Variants in ANO3 observed in about 807,000 individuals in gnomAD.
ANO3 encodes the protein anoctamin-3.
A neutral mutation model predicts 144.8 loss-of-function variants in ANO3; 99 were observed. That is an observed-to-expected ratio of 0.68 (90% CI 0.58 to 0.81). The LOEUF (loss-of-function observed/expected upper bound fraction) is 0.81, where lower values mean the gene tolerates loss of function less well. ANO3 is among the 30% of genes least tolerant of loss of function. ANO3 has a pLI of 0.00. For synonymous variants in ANO3, 414 were observed against 392.6 expected (o/e 1.05, Z -0.64); for missense variants, 905 against 1,202.2 (o/e 0.75, Z 3.66).
Position 26,563,393 on chromosome 11 carries a change from C to G in ANO3, c.1447+3614C>G, listed in dbSNP as rs557554770. 413 of 825,644 alleles carry G rather than the reference C, an allele frequency of 5.0e-4. No homozygotes were observed. The African/African-American group carries it at 8.7e-3, about 17-fold the overall frequency. The allele number at this position is 825,644 out of a possible 1,614,324, so 51.1% of individuals were successfully genotyped here. A position where few individuals can be genotyped will look rare whatever the true frequency, so the allele number is the denominator to read the frequency against. ...AAATTAGATAATGGTGTGTTTCTCT[C>G]TCTGTGTGTGTGTGTGTGTGTGTGT... On this transcript the variant is annotated intron_variant, in intron 14 of 26. Transcript: ENST00000256737.
Position 26,454,078 on chromosome 11 carries a change from T to C in ANO3, c.314-8952T>C, listed in dbSNP as rs557476806. 4.6e-5 allele frequency among the ~76,000 whole-genome samples: 7 copies of C among 150,594 alleles called. No homozygotes were observed. The South Asian group carries it at 1.5e-3, about 32-fold the overall frequency. ...AATCTCTGGGACACATTCAAAGCAG[T>C]GTGTAGAGGAAAATTTATAGCACTA... On this transcript the variant is annotated intron_variant, in intron 3 of 26. Coordinates refer to ENST00000256737, the MANE Select transcript of ANO3 (RefSeq NM_031418.4).
intron 3 of ANO3, among the ~76,000 whole-genome samples, chr11:26,445,803 A>G (rs933234977): frequency 1.3e-5 from 2 of 152,046 alleles, no homozygotes; most frequent in Non-Finnish European, 2.9e-5. Context: ...ATGCATATCT[A>G]TGAGTGTTTT....
In ANO3 at chr11:26,455,424, C is replaced by A. The variant is rs530598522; in HGVS notation, c.314-7606C>A. 6.2e-3 allele frequency among the ~76,000 whole-genome samples: 941 copies of A among 151,782 alleles called. 10 individuals carry two copies. The highest frequency in any genetic ancestry group is 0.022 in the African/African-American group (895 of 41,384). On this transcript the variant is annotated intron_variant, in intron 3 of 26. Coordinates refer to ENST00000256737, the MANE Select transcript of ANO3 (RefSeq NM_031418.4). ...CAAAAATCACAAGCATTCTTATACA[C>A]CAATAACAGACAAACAGAGCCAAAT...
At chr11:26,269,674 TGCACTGCAGCAC>T (rs139927400) in intron 1 of ANO3, among the ~76,000 whole-genome samples, 3,695 of 152,290 alleles carry the variant, frequency 0.024, 148 homozygotes, top group African/African-American at 0.084. Flanking sequence ...CATCCGGTGC[TGCACTGCAGCAC>T]ACCTTGGGAG....
chr11:26,332,368 C>A (rs747053626), intron 1 of ANO3, 47 bp downstream of exon 1: 4 of 1,590,614 alleles, frequency 2.5e-6, no homozygotes, highest in Admixed American at 3.3e-5. Context: ...TCACTTCCCC[C>A]CTGCATGCCC....
chr11:26,204,735 A>G (rs1022115681), intron 1 of ANO3, among the ~76,000 whole-genome samples: 3 of 152,054 alleles, frequency 2.0e-5, no homozygotes, highest in Admixed American at 6.6e-5. Flanking sequence ...TTCTTATAGC[A>G]GTTCTTATTC....
chr11:26,420,862 C>A (rs749791741), intron 1 of ANO3, among the ~76,000 whole-genome samples: 1 of 151,964 alleles, frequency 6.6e-6, no homozygotes, highest in Non-Finnish European at 1.5e-5. Context: ...TTACAATGGG[C>A]ATTATTTTTT....
At chr11:26,257,305 G>T (rs1052859850) in intron 1 of ANO3, among the ~76,000 whole-genome samples, 1 of 151,846 alleles carries the variant, frequency 6.6e-6, no homozygotes, top group Non-Finnish European at 1.5e-5. Flanking sequence ...TTTTATAGGA[G>T]GCTTGATGAT....
At chr11:26,282,542 T>C (rs188215645) in intron 1 of ANO3, among the ~76,000 whole-genome samples, 54 of 152,308 alleles carry the variant, frequency 3.5e-4, no homozygotes, top group African/African-American at 1.3e-3. Flanking sequence ...TACTCCTTCC[T>C]GTAAAAGATA....
intron 14 of ANO3, among the ~76,000 whole-genome samples, chr11:26,593,927 A>T (rs553834533): frequency 6.6e-6 from 1 of 152,084 alleles, no homozygotes. Flanking sequence ...TACCAAGTTA[A>T]ATAGGGTTTC....
chr11:26,273,821 A>T (rs1319792098), intron 1 of ANO3, among the ~76,000 whole-genome samples: 1 of 152,190 alleles, frequency 6.6e-6, no homozygotes, highest in Non-Finnish European at 1.5e-5. Context: ...GAGGAAGAAG[A>T]CATGGAGGAA....
chr11:26,540,356 G>C (rs1849612791), intron 10 of ANO3, among the ~76,000 whole-genome samples: 1 of 152,084 alleles, frequency 6.6e-6, no homozygotes, highest in Non-Finnish European at 1.5e-5. Context: ...AATAGATGCA[G>C]AAAAGTCCTT....
intron 1 of ANO3, among the ~76,000 whole-genome samples, chr11:26,197,457 T>C (rs1851611639): frequency 6.6e-6 from 1 of 152,128 alleles, no homozygotes; most frequent in East Asian, 1.9e-4. Flanking sequence ...CAAGTGATTC[T>C]CCTGCCTCAG....
At chr11:26,377,958 G>A (rs796525530) in intron 1 of ANO3, among the ~76,000 whole-genome samples, 14 of 152,128 alleles carry the variant, frequency 9.2e-5, no homozygotes, top group African/African-American at 3.4e-4. Context: ...GACATTTGCA[G>A]AGAATAAAAA....
At chr11:26,480,930 G>T (rs1399735814) in intron 4 of ANO3, among the ~76,000 whole-genome samples, 1 of 152,122 alleles carries the variant, frequency 6.6e-6, no homozygotes, top group Admixed American at 6.6e-5. Flanking sequence ...CCACTTACAT[G>T]CTATGTGACA....
At chr11:26,408,568 G>A (rs1295980189) in intron 1 of ANO3, among the ~76,000 whole-genome samples, 84 of 147,346 alleles carry the variant, frequency 5.7e-4, no homozygotes, top group Admixed American at 5.6e-3. Flanking sequence ...TCGGTGTGGC[G>A]TTTCCTCAGG....
At chr11:26,293,789 G>A (rs1854022068) in intron 1 of ANO3, among the ~76,000 whole-genome samples, 1 of 151,782 alleles carries the variant, frequency 6.6e-6, no homozygotes, top group African/African-American at 2.4e-5. Flanking sequence ...ACATGTCCTT[G>A]TGCTTTGCAT....
chr11:26,370,891 A>G (rs532551094), intron 1 of ANO3, among the ~76,000 whole-genome samples: 205 of 152,288 alleles, frequency 1.3e-3, no homozygotes, highest in Non-Finnish European at 1.1e-3. Context: ...TTCAAGAAGA[A>G]GCAGAGCATA....
At chr11:26,225,963 TA>T (rs1235470861) in intron 1 of ANO3, among the ~76,000 whole-genome samples, 1 of 152,164 alleles carries the variant, frequency 6.6e-6, no homozygotes, top group Non-Finnish European at 1.5e-5. Context: ...TGAATGGTTT[TA>T]AACAGAAGAA....
Sources: allele counts gnomAD v4.1 joint callset (sites outside exome capture counted in the v4.1 genomes callset), GRCh38; gene constraint gnomAD v4.1.1; transcripts MANE v1.5; gene names NCBI Gene and HGNC (gene_info 2026-07-23, HGNC 2026-07-21).